CDH13: variants seen among roughly 807,000 people sequenced by gnomAD.
CDH13 encodes the protein cadherin 13.
Under a neutral mutation model 63.8 loss-of-function variants are expected in CDH13, and 24 were observed. That is an observed-to-expected ratio of 0.38 (90% CI 0.27 to 0.53). The LOEUF is 0.53. Ranked by LOEUF, CDH13 falls within the 20% of genes least tolerant of loss-of-function variation. The pLI, the probability that CDH13 is intolerant of heterozygous loss-of-function variation, is 0.85. For synonymous variants in CDH13, 503 were observed against 355.3 expected (o/e 1.42, Z -4.67); for missense variants, 1,049 against 903.1 (o/e 1.16, Z -2.07).
chr16:83,140,224 A>C (rs2036470622), intron 4 of CDH13, among the ~76,000 whole-genome samples: 2 of 152,156 alleles, frequency 1.3e-5, no homozygotes, highest in African/African-American at 4.8e-5. Context: ...TGGCCGGCCC[A>C]CACTTTGAGG....
intron 5 of CDH13, among the ~76,000 whole-genome samples, chr16:83,275,022 A>G (rs570199016): frequency 6.6e-6 from 1 of 152,140 alleles, no homozygotes; most frequent in African/African-American, 2.4e-5. Flanking sequence ...CACATGCTTT[A>G]TTTTTATCCA....
At chr16:83,031,777 G>A (rs550714024) in intron 2 of CDH13, among the ~76,000 whole-genome samples, 1 of 152,280 alleles carries the variant, frequency 6.6e-6, no homozygotes, top group Non-Finnish European at 1.5e-5. Flanking sequence ...CACACTCAGA[G>A]CTTAGCACCT....
At chr16:82,760,957 T>C (rs1349191919) in intron 1 of CDH13, among the ~76,000 whole-genome samples, 2 of 145,804 alleles carry the variant, frequency 1.4e-5, no homozygotes, top group African/African-American at 2.5e-5. Flanking sequence ...TCTACCCCCA[T>C]AAGCCAAATA....
At chr16:82,813,936 T>C (rs2037575786) in intron 1 of CDH13, among the ~76,000 whole-genome samples, 1 of 152,012 alleles carries the variant, frequency 6.6e-6, no homozygotes, top group Admixed American at 6.6e-5. Flanking sequence ...AGGGATAATA[T>C]TACCTACCTC....
intron 10 of CDH13, among the ~76,000 whole-genome samples, chr16:83,707,740 T>C (rs1907309976): frequency 7.1e-6 from 1 of 141,022 alleles, no homozygotes; most frequent in African/African-American, 2.7e-5. Context: ...AGTGAACAAA[T>C]AGAAAGCGAG....
chr16:83,482,948 A>C (rs1379082103), intron 6 of CDH13, among the ~76,000 whole-genome samples: 1 of 152,212 alleles, frequency 6.6e-6, no homozygotes, highest in African/African-American at 2.4e-5. Flanking sequence ...ATTGGCTCAG[A>C]ACCCAGGACA....
chr16:83,592,673 C>A (rs1403665411), intron 7 of CDH13, among the ~76,000 whole-genome samples: 1 of 152,112 alleles, frequency 6.6e-6, no homozygotes, highest in Non-Finnish European at 1.5e-5. Flanking sequence ...TGTTTATTTC[C>A]CCTGCTGCTT....
chr16:82,871,193 G>A (rs939648335), intron 2 of CDH13, among the ~76,000 whole-genome samples: 51 of 152,336 alleles, frequency 3.3e-4, no homozygotes, highest in African/African-American at 1.2e-3. Context: ...GTTGATCAAA[G>A]ACTTTGAAAT....
intron 5 of CDH13, among the ~76,000 whole-genome samples, chr16:83,228,015 G>T (rs1050966816): frequency 1.3e-5 from 2 of 152,166 alleles, no homozygotes; most frequent in African/African-American, 4.8e-5. Flanking sequence ...GCCGATAAAA[G>T]ATATAGGGTG....
intron 3 of CDH13, among the ~76,000 whole-genome samples, chr16:83,050,708 C>T (rs9889166): frequency 2.6e-5 from 4 of 151,984 alleles, no homozygotes; most frequent in Non-Finnish European, 5.9e-5. Context: ...CGCATCTCCA[C>T]CCGTACATTT....
intron 1 of CDH13, among the ~76,000 whole-genome samples, chr16:82,851,510 C>A (rs1176373733): frequency 1.3e-5 from 2 of 151,910 alleles, no homozygotes; most frequent in Admixed American, 1.3e-4. Flanking sequence ...AGCAGTCTCC[C>A]CTTTTACCTC....
At chr16:83,221,983 A>G (rs572892404) in intron 5 of CDH13, among the ~76,000 whole-genome samples, 5 of 152,250 alleles carry the variant, frequency 3.3e-5, no homozygotes, top group Non-Finnish European at 7.4e-5. Flanking sequence ...CCCAAGATGT[A>G]TTTTTACTAT....
At chr16:83,511,148 G>A (rs1042100731) in intron 7 of CDH13, among the ~76,000 whole-genome samples, 5 of 152,040 alleles carry the variant, frequency 3.3e-5, no homozygotes, top group Admixed American at 6.6e-5. Context: ...GCACGCACAT[G>A]CACACACGCT....
intron 11 of CDH13, among the ~76,000 whole-genome samples, chr16:83,779,370 G>A (rs1039738319): frequency 6.1e-5 from 7 of 113,850 alleles, no homozygotes; most frequent in Non-Finnish European, 1.1e-4. Flanking sequence ...TTGCGCCATT[G>A]CACTCCAGCC....
intron 1 of CDH13, among the ~76,000 whole-genome samples, chr16:82,746,394 A>G (rs2034176488): frequency 6.6e-6 from 1 of 152,082 alleles, no homozygotes; most frequent in African/African-American, 2.4e-5. Context: ...AGATGCTTTT[A>G]TCATTGAAAG....
intron 5 of CDH13, among the ~76,000 whole-genome samples, chr16:83,315,417 C>T (rs766391296): frequency 3.3e-5 from 5 of 152,166 alleles, no homozygotes; most frequent in Non-Finnish European, 5.9e-5. Context: ...TAACTGTGTG[C>T]ACATTTAAAC....
intron 3 of CDH13, among the ~76,000 whole-genome samples, chr16:83,036,488 C>G (rs1007645152): frequency 3.3e-5 from 5 of 152,070 alleles, no homozygotes; most frequent in Non-Finnish European, 5.9e-5. Flanking sequence ...TATTGGCTCA[C>G]CATCTGGAAC....
chr16:82,800,909 C>G (rs1354041444), intron 1 of CDH13, among the ~76,000 whole-genome samples: 2 of 152,054 alleles, frequency 1.3e-5, no homozygotes, highest in Non-Finnish European at 2.9e-5. Context: ...ACCTTATTTC[C>G]TTTTTCCTCC....
At chr16:82,873,284 A>G (rs541089542) in intron 2 of CDH13, among the ~76,000 whole-genome samples, 1 of 152,288 alleles carries the variant, frequency 6.6e-6, no homozygotes, top group East Asian at 1.9e-4. Flanking sequence ...ATGTCTTGCA[A>G]ATAGGATTAT....
Sources: gnomAD v4.1 joint callset for allele counts (sites outside exome capture counted in the v4.1 genomes callset) on GRCh38, gnomAD v4.1.1 for gene constraint, MANE v1.5 for transcripts, NCBI Gene and HGNC (gene_info 2026-07-23, HGNC 2026-07-21) for gene names.